Variants in ADGRG3 observed in about 807,000 individuals in gnomAD.
The protein encoded by ADGRG3 is G protein-coupled receptor 97.
A neutral mutation model predicts 54.3 loss-of-function variants in ADGRG3; 39 were observed. The ratio of observed to expected loss-of-function variants is 0.72; its 90% CI spans 0.56 to 0.94. The LOEUF is 0.94. ADGRG3 is among the 40% of genes least tolerant of loss of function. ADGRG3 has a pLI of 0.00. For synonymous variants in ADGRG3, 312 were observed against 290.0 expected (o/e 1.08, Z -0.77); for missense variants, 654 against 694.6 (o/e 0.94, Z 0.66).
At chr16:57,668,874 G>T (rs1008051597) in intron 1 of ADGRG3, among the ~76,000 whole-genome samples, 1 of 152,120 alleles carries the variant, frequency 6.6e-6, no homozygotes, top group African/African-American at 2.4e-5. Flanking sequence ...ACCCCACACC[G>T]GCTCCCTCTC....
chr16:57,679,693 C>G lies in ADGRG3; in HGVS notation c.628-123C>G, dbSNP rs1315639712. On this transcript the variant is annotated intron_variant, in intron 5 of 11. Transcript: ENST00000333493. ...TTTCTGTGTGGCCCATGGGTGTGAACCTTGCTTTCTACCTAATGCACACTC... is the reference window on the plus strand; with the variant it reads ...TTTCTGTGTGGCCCATGGGTGTGAAGCTTGCTTTCTACCTAATGCACACTC... 114 of 821,954 alleles carry G rather than the reference C, an allele frequency of 1.4e-4. No homozygotes were observed. In the East Asian group the frequency reaches 2.8e-3, roughly 20 times the overall value. 50.9% of individuals were successfully genotyped at this position (821,954 alleles called of 1,614,324 possible).
Position 57,681,528 on chromosome 16 carries a change from C to A in ADGRG3, c.881+911C>A, listed in dbSNP as rs140359145. On this transcript the variant is annotated intron_variant, in intron 8 of 11. Coordinates refer to ENST00000333493, the MANE Select transcript of ADGRG3 (RefSeq NM_170776.5). ...CTGAGGTCAGGAGTTCGAGACCAGT[C>A]TGGCCAACATGGTGAAAGCCCATCT... is the stretch of plus-strand genomic sequence containing the variant. 3.1e-3 allele frequency among the ~76,000 whole-genome samples: 470 copies of A among 152,194 alleles called. 1 individual carries two copies. The highest frequency in any genetic ancestry group is 4.5e-3 in the Non-Finnish European group (307 of 68,022).
At chr16:57,688,210 T>C in intron 11 of ADGRG3, 142 bp from the exon 12 acceptor site, 2 of 670,720 alleles carry the variant, frequency 3.0e-6, no homozygotes, top group African/African-American at 1.8e-5. Context: ...GAAATGGTTG[T>C]GAAATGGTTG....
At position 57,678,241 on chromosome 16, in the gene ADGRG3, A is replaced by G; in HGVS notation, c.417A>G (p.Arg139=). Residue 139 remains arginine, a synonymous_variant, in exon 4 of 12, where the codon CGA becomes CGG. Transcript: ENST00000333493. ...DRVRLPKSLF[R]SLPGNRSVVR... is the part of the protein sequence containing the mutation. ...TGCGACTTCCCAAGAGCCTTTTTCG[A>G]TCCCTGCCAGGCAACAGGTCTGTGG... is the stretch of plus-strand genomic sequence containing the variant. 2 of 1,614,092 alleles carry G rather than the reference A, an allele frequency of 1.2e-6. No homozygotes were observed. Among genetic ancestry groups the G allele is most frequent in the Non-Finnish European group, 1.7e-6 (2 of 1,179,996 alleles).
At chr16:57,686,703 C>T (rs1187601443) in intron 11 of ADGRG3, 1 of 152,260 alleles carries the variant, frequency 6.6e-6, no homozygotes, top group East Asian at 1.9e-4. Context: ...CTGCCGTAAC[C>T]CTACCTGACC....
rs1320987356 is a variant in ADGRG3, at chr16:57,685,704, C to A, written c.1318C>A (p.Leu440Ile). The A allele has an allele frequency of 1.9e-6, 3 of 1,614,216 alleles. No homozygotes were observed. Among genetic ancestry groups the A allele is most frequent in the South Asian group, 1.1e-5 (1 of 91,084 alleles). The change falls in exon 11 of 12, where the codon CTC becomes ATC. Residue 440 changes from leucine (L) to isoleucine (I), a missense_variant. Physicochemically the swap from Leu to Ile is conservative, Grantham distance 5. Coordinates refer to ENST00000333493, the MANE Select transcript of ADGRG3 (RefSeq NM_170776.5). The stretch of plus-strand genomic sequence containing the variant: ...CTATATCACCGTCCACGGCTACTTC[C>A]TCATCACCTTCCTCTTTGGCATGGT... ...ALYITVHGYF[L>I]ITFLFGMVVL...
At chr16:57,673,278 A>G (rs374339192) in intron 1 of ADGRG3, 43 bp from the exon 2 acceptor site, 40 of 1,579,132 alleles carry the variant, frequency 2.5e-5, no homozygotes, top group Non-Finnish European at 3.5e-5. Flanking sequence ...CTTGCTGCCC[A>G]TCTTCGTCCA....
intron 8 of ADGRG3, among the ~76,000 whole-genome samples, chr16:57,681,587 G>A (rs1246842732): frequency 3.3e-5 from 5 of 151,332 alleles, no homozygotes; most frequent in East Asian, 1.9e-4. Flanking sequence ...TTAGCTGGGC[G>A]TGGTGGTGCG....
chr16:57,675,012 A>AAGCAGC (rs1555569015), intron 2 of ADGRG3, among the ~76,000 whole-genome samples: 20 of 115,458 alleles, frequency 1.7e-4, no homozygotes, highest in East Asian at 5.0e-4. Context: ...AAAAAAAAAA[A>AAGCAGC]AGCAGCAGCA....
chr16:57,676,811 G>T (rs1415598191), intron 3 of ADGRG3, among the ~76,000 whole-genome samples: 3 of 152,184 alleles, frequency 2.0e-5, no homozygotes, highest in African/African-American at 7.2e-5. Context: ...ACCAGCCTGG[G>T]CAACACAGTG....
At chr16:57,668,087 C>T (rs560277891), upstream of ADGRG3, 162 of 563,268 alleles carry the variant, frequency 2.9e-4, no homozygotes, top group Non-Finnish European at 4.4e-4. Context: ...AGTGGGGCCC[C>T]GGGGGCACAT....
chr16:57,676,394 T>C, intron 3 of ADGRG3, 56 bp downstream of exon 3: 1 of 1,554,546 alleles, frequency 6.4e-7, no homozygotes, highest in East Asian at 2.3e-5. Context: ...CTTGGACGTA[T>C]ATTTCAAAAC....
intron 8 of ADGRG3, among the ~76,000 whole-genome samples, chr16:57,681,745 A>AAAG (rs1555570149): frequency 6.2e-5 from 8 of 128,556 alleles, no homozygotes; most frequent in Non-Finnish European, 1.1e-4. Flanking sequence ...AAAAAAAAAA[A>AAAG]AGAGAGAGAG....
At chr16:57,684,958 T>G (rs1302895495) in intron 10 of ADGRG3, among the ~76,000 whole-genome samples, 1 of 152,194 alleles carries the variant, frequency 6.6e-6, no homozygotes, top group African/African-American at 2.4e-5. Context: ...GCTATGTGTG[T>G]GATCTTGGCA....
At position 57,676,300 on chromosome 16, in the gene ADGRG3, A is replaced by G. The variant is rs1190387527; in HGVS notation, c.307A>G (p.Thr103Ala). ...KALVQNLSTN[T>A]AEDFYFSLEP... ...TTTGGTCCAGAACCTCAGCACCAACACTGCAGAAGACTTCTATTTCTCTCT... is the reference window on the plus strand; with the variant it reads ...TTTGGTCCAGAACCTCAGCACCAACGCTGCAGAAGACTTCTATTTCTCTCT... Residue 103 changes from threonine to alanine, a missense_variant, in exon 3 of 12, where the codon ACT becomes GCT. Thr to Ala is a moderately conservative substitution (Grantham distance 58). Transcript: ENST00000333493. 1 of 1,614,060 alleles carries G rather than the reference A, an allele frequency of 6.2e-7. No homozygotes were observed. The highest frequency in any genetic ancestry group is 8.5e-7 in the Non-Finnish European group (1 of 1,180,000).
Position 57,688,755 on chromosome 16 carries a change from A to AGAT in ADGRG3, c.*294_*295insGAT. On this transcript the variant is annotated 3_prime_UTR_variant, in exon 12 of 12. Transcript: ENST00000333493. ...GCCCTGCCCTCATTGCAAAGCCCTCACTCACCTTCTGGTCTCAGCAAGGGA... is the reference window on the plus strand; with the variant it reads ...GCCCTGCCCTCATTGCAAAGCCCTCAGATCTCACCTTCTGGTCTCAGCAAGGGA... 1 of 315,262 alleles carries AGAT rather than the reference A, an allele frequency of 3.2e-6. No individual in the cohort carries two copies. The highest frequency in any genetic ancestry group is 6.1e-6 in the Non-Finnish European group (1 of 165,020). 19.5% of individuals were successfully genotyped at this position (315,262 alleles called of 1,614,324 possible). A position where few individuals can be genotyped will look rare whatever the true frequency, so the allele number is the denominator to read the frequency against.
In ADGRG3 at chr16:57,668,397, C is replaced by T. The variant is rs760029474; in HGVS notation, c.50C>T (p.Pro17Leu). Reference sequence around the variant, plus strand: ...GCCCTGCTCCTGCTCCTCCTGCTCCCGACCTCAGGTGAGTGGCTGGCACCT... The same window carrying T: ...GCCCTGCTCCTGCTCCTCCTGCTCCTGACCTCAGGTGAGTGGCTGGCACCT... ...LGALLLLLLLPTSGQEKPTEG... is the reference protein window; with the variant it reads ...LGALLLLLLLLTSGQEKPTEG... Residue 17 changes from proline to leucine, a missense_variant, in exon 1 of 12, where the codon CCG (proline) becomes CTG (leucine). Pro to Leu is a moderately conservative substitution (Grantham distance 98). Coordinates refer to ENST00000333493, the MANE Select transcript of ADGRG3 (RefSeq NM_170776.5). 79 of 1,572,574 alleles carry T rather than the reference C, an allele frequency of 5.0e-5. No individual in the cohort carries two copies. The highest frequency in any genetic ancestry group is 3.3e-4 in the Middle Eastern group (2 of 5,988).
At chr16:57,668,812 G>A (rs1218196824) in intron 1 of ADGRG3, among the ~76,000 whole-genome samples, 1 of 152,186 alleles carries the variant, frequency 6.6e-6, no homozygotes, top group African/African-American at 2.4e-5. Context: ...GGAAGCTGAG[G>A]CCAGGAAGGT....
chr16:57,684,622 G>A, intron 10 of ADGRG3, 139 bp downstream of exon 10: 2 of 625,354 alleles, frequency 3.2e-6, no homozygotes, highest in Non-Finnish European at 5.6e-6. Flanking sequence ...CTCAGATCCA[G>A]CTAGCTCATG....
Sources: gnomAD v4.1 joint callset for allele counts (sites outside exome capture counted in the v4.1 genomes callset) on GRCh38, gnomAD v4.1.1 for gene constraint, MANE v1.5 for transcripts, NCBI Gene and HGNC (gene_info 2026-07-23, HGNC 2026-07-21) for gene names.